The following ELFN1 variants were observed in gnomAD, a reference collection of about 807,000 sequenced individuals.
The protein encoded by ELFN1 is protein ELFN1.
Under a neutral mutation model 7.6 loss-of-function variants are expected in ELFN1, and 6 were observed. The ratio of observed to expected loss-of-function variants is 0.79; its 90% CI spans 0.43 to 1.56. The LOEUF is 1.56. Among genes scored for constraint, ELFN1 ranks in the 40% most tolerant of loss-of-function variants. The pLI is 0.01. For missense variants in ELFN1, 1,169 were observed against 1,232.2 expected (o/e 0.95, Z 0.77); for synonymous variants, 657 against 588.1 (o/e 1.12, Z -1.70).
At chr7:1,715,255 C>T (rs1779794235) in intron 3 of ELFN1, among the ~76,000 whole-genome samples, 1 of 152,196 alleles carries the variant, frequency 6.6e-6, no homozygotes, top group South Asian at 2.1e-4. Context: ...GGCAATAGAC[C>T]TTGTCCTGGT....
chr7:1,736,092 C>G lies in ELFN1; in HGVS notation c.-293-8212C>G, dbSNP rs143914051. On this transcript the variant is annotated intron_variant, in intron 3 of 3. Transcript: ENST00000424383. ...CGTGGCAGGCCTTGCGGCTCGAGGC[C>G]CAACTGCCCTGATATGCCTATCACA... Among the ~76,000 whole-genome samples, 1,515 of 152,288 alleles carry G rather than the reference C, an allele frequency of 9.9e-3. 23 individuals carry two copies. Among genetic ancestry groups the G allele is most frequent in the African/African-American group, 0.035 (1,436 of 41,564 alleles).
At chr7:1,711,604 GAGAGAGAGAGAGAGA>G (rs1779657022) in intron 3 of ELFN1, among the ~76,000 whole-genome samples, 2 of 151,150 alleles carry the variant, frequency 1.3e-5, no homozygotes, top group African/African-American at 4.9e-5. Flanking sequence ...GAGAGAGAGA[GAGAGAGAGAGAGAGA>G]GAGAGAGAAT....
intron 2 of ELFN1, chr7:1,693,547 G>A (rs779025730): frequency 2.8e-5 from 13 of 471,128 alleles, no homozygotes; most frequent in South Asian, 1.2e-4. Flanking sequence ...ACACATACAC[G>A]CCTGTGGACG....
At chr7:1,704,409 A>G (rs1219792869) in intron 2 of ELFN1, among the ~76,000 whole-genome samples, 1 of 152,138 alleles carries the variant, frequency 6.6e-6, no homozygotes, top group Non-Finnish European at 1.5e-5. Context: ...ACACAAGCAC[A>G]CAGACACTCA....
intron 3 of ELFN1, among the ~76,000 whole-genome samples, chr7:1,723,531 C>T (rs1029545910): frequency 2.0e-5 from 3 of 152,210 alleles, no homozygotes; most frequent in African/African-American, 4.8e-5. Flanking sequence ...CTCCATCGGG[C>T]CCACGCCTCA....
At chr7:1,688,999 A>G (rs1342804712) in intron 2 of ELFN1, among the ~76,000 whole-genome samples, 1 of 152,242 alleles carries the variant, frequency 6.6e-6, no homozygotes, top group Non-Finnish European at 1.5e-5. Context: ...AAATGCATTT[A>G]ATACCCCAAT....
intron 2 of ELFN1, among the ~76,000 whole-genome samples, chr7:1,697,547 C>T (rs1046484514): frequency 1.3e-5 from 2 of 152,232 alleles, no homozygotes; most frequent in Non-Finnish European, 2.9e-5. Flanking sequence ...TTCCCACTGG[C>T]CTTGTCTTAG....
At chr7:1,684,802 C>T (rs965017488) in intron 1 of ELFN1, among the ~76,000 whole-genome samples, 14 of 151,880 alleles carry the variant, frequency 9.2e-5, no homozygotes, top group East Asian at 1.9e-4. Flanking sequence ...TATATGTTGA[C>T]GTATGTTATA....
At chr7:1,693,380 G>C (rs776452240) in intron 2 of ELFN1, 1 of 470,944 alleles carries the variant, frequency 2.1e-6, no homozygotes, top group Admixed American at 2.3e-5. Flanking sequence ...CTGGACAGCC[G>C]TGTACACACA....
intron 3 of ELFN1, among the ~76,000 whole-genome samples, chr7:1,724,413 G>A (rs1296088452): frequency 3.3e-5 from 5 of 152,158 alleles, no homozygotes; most frequent in Non-Finnish European, 5.9e-5. Flanking sequence ...GGTGCCGTGC[G>A]GCCCCACCTC....
chr7:1,683,175 CT>C (rs370280193), intron 1 of ELFN1, among the ~76,000 whole-genome samples: 143 of 142,786 alleles, frequency 1.0e-3, no homozygotes, highest in Admixed American at 1.8e-3. Context: ...AGTTTTTCTC[CT>C]TTTTTTTTTT....
At chr7:1,677,831 G>A (rs1778900936) in intron 1 of ELFN1, among the ~76,000 whole-genome samples, 1 of 152,078 alleles carries the variant, frequency 6.6e-6, no homozygotes, top group Non-Finnish European at 1.5e-5. Flanking sequence ...GATGCAGGGA[G>A]CGTGTGGAGC....
chr7:1,685,312 GT>G (rs1779044156), intron 1 of ELFN1, among the ~76,000 whole-genome samples: 1 of 152,120 alleles, frequency 6.6e-6, no homozygotes, highest in African/African-American at 2.4e-5. Context: ...CTTATTTGGT[GT>G]TTGTTGATCT....
At position 1,695,846 on chromosome 7, in the gene ELFN1, G is replaced by A. The variant is rs944906049; in HGVS notation, c.-456+7696G>A. Reference sequence around the variant, plus strand: ...TTACTCAGCAAATCTTGTTGGGCCCGCCAGGCCCTAGGGTTACCAGACAAA... The same window carrying A: ...TTACTCAGCAAATCTTGTTGGGCCCACCAGGCCCTAGGGTTACCAGACAAA... On this transcript the variant is annotated intron_variant, in intron 2 of 3. Transcript: ENST00000424383. The surrounding 1 kb of genome is among the most constrained non-coding windows in gnomAD (Gnocchi z 5.1). Among the ~76,000 whole-genome samples the A allele has an allele frequency of 4.7e-5, 7 of 149,584 alleles. No individual in the cohort carries two copies. The South Asian group carries it at 1.1e-3, about 23-fold the overall frequency.
intron 1 of ELFN1, among the ~76,000 whole-genome samples, chr7:1,679,460 T>G (rs566807354): frequency 6.6e-6 from 1 of 152,298 alleles, no homozygotes; most frequent in South Asian, 2.1e-4. Flanking sequence ...CGGGGCCTGC[T>G]CTGGGGTCCC....
At chr7:1,685,967 TATATA>T (rs1779055585) in intron 1 of ELFN1, among the ~76,000 whole-genome samples, 1 of 147,798 alleles carries the variant, frequency 6.8e-6, no homozygotes, top group Admixed American at 6.8e-5. Context: ...ATTATACAAA[TATATA>T]ATATAAATAT....
chr7:1,676,118 G>A (rs1439175784), intron 1 of ELFN1, among the ~76,000 whole-genome samples: 1 of 152,198 alleles, frequency 6.6e-6, no homozygotes. Context: ...TCCCAAGGGA[G>A]ATGGCATTAG....
upstream of ELFN1, among the ~76,000 whole-genome samples, chr7:1,666,188 G>A (rs1778668409): frequency 6.6e-6 from 1 of 152,038 alleles, no homozygotes; most frequent in Non-Finnish European, 1.5e-5. The surrounding 1 kb of genome is among the most constrained non-coding windows in gnomAD (Gnocchi z 7.9). Flanking sequence ...GGGGCCTGAG[G>A]GGCAGGGGGC....
At chr7:1,669,104 G>A (rs1778713621), upstream of ELFN1, among the ~76,000 whole-genome samples, 1 of 152,248 alleles carries the variant, frequency 6.6e-6, no homozygotes, top group African/African-American at 2.4e-5. Flanking sequence ...CCTAGGACCC[G>A]GGCGTGTCAG....
Sources: allele counts gnomAD v4.1 joint callset (sites outside exome capture counted in the v4.1 genomes callset), GRCh38; gene constraint gnomAD v4.1.1; non-coding constraint Gnocchi (gnomAD v3.1); transcripts MANE v1.5; gene names NCBI Gene and HGNC (gene_info 2026-07-23, HGNC 2026-07-21).